The following ANKRD24 variants were observed in gnomAD, a reference collection of about 807,000 sequenced individuals.
ANKRD24 encodes the protein ankyrin repeat domain-containing protein 24.
In ANKRD24, 109 loss-of-function variants were observed where a neutral mutation model predicts 127.8. The ratio of observed to expected loss-of-function variants is 0.85; its 90% CI spans 0.73 to 1.00. The LOEUF (loss-of-function observed/expected upper bound fraction) is 1.00. Ranked by LOEUF, ANKRD24 falls within the 50% of genes least tolerant of loss-of-function variation. The pLI is 0.00. For missense variants in ANKRD24, 1,648 were observed against 1,570.2 expected (o/e 1.05, Z -0.84); for synonymous variants, 743 against 671.1 (o/e 1.11, Z -1.66).
At chr19:4,207,085 C>CTTT (rs34475477) in intron 7 of ANKRD24, 157 bp from the exon 8 acceptor site, 123 of 430,528 alleles carry the variant, frequency 2.9e-4, no homozygotes, top group South Asian at 5.5e-4. Context: ...ATAATGTTTG[C>CTTT]TTTTTTTTTT....
At chr19:4,189,846 C>T (rs541048078) in intron 2 of ANKRD24, among the ~76,000 whole-genome samples, 15 of 152,216 alleles carry the variant, frequency 9.9e-5, no homozygotes, top group African/African-American at 3.6e-4. Flanking sequence ...AAGACACCTG[C>T]TCAAGGTCAC....
rs762688279 is a variant in ANKRD24 at position 4,219,706 on chromosome 19, C to A, written c.3119C>A (p.Ala1040Asp). The change falls in exon 19 of 22, where the codon GCC (alanine) becomes GAC (aspartate). Residue 1040 changes from alanine (A) to aspartate (D), a missense_variant. Transcript: ENST00000318934. ...ACCGAGGCGGAAAGGGCTCGCCAGG[C>A]CCAGAGCCGGGCCCAGGAGGCTCTG... ...LRTEAERARQ[A>D]QSRAQEALDK... is the part of the protein sequence containing the mutation. 1.4e-5 allele frequency: 22 copies of A among 1,613,434 alleles called. No individual in the cohort carries two copies. The highest frequency in any genetic ancestry group is 1.8e-5 in the Non-Finnish European group (21 of 1,179,706).
At chr19:4,202,004 TA>T in intron 5 of ANKRD24, 21 bp from the exon 6 acceptor site, 3 of 1,612,542 alleles carry the variant, frequency 1.9e-6, no homozygotes, top group South Asian at 1.1e-5. Context: ...GGAGCTCCAG[TA>T]AATCTTCTTT....
Position 4,207,984 on chromosome 19 carries a change from C to T in ANKRD24, c.832+16C>T. ...CCACCCAGCGGTATGCAAGCCCCAC[C>T]TCCCCAATGCATTTGCTTCTTGGCA... On this transcript the variant is annotated intron_variant, in intron 10 of 21. Transcript: ENST00000318934. 1.4e-6 allele frequency: 2 copies of T among 1,458,972 alleles called. No homozygotes were observed. Among genetic ancestry groups the T allele is most frequent in the Non-Finnish European group, 9.1e-7 (1 of 1,104,656 alleles). The allele number at this position is 1,458,972 out of a possible 1,614,324, so 90.4% of individuals were successfully genotyped here.
At position 4,199,974 on chromosome 19, in the gene ANKRD24, C is replaced by T. The variant is rs1366985951; in HGVS notation, c.223C>T (p.Pro75Ser). 1 of 1,564,518 alleles carries T rather than the reference C, an allele frequency of 6.4e-7. No individual in the cohort carries two copies. Among genetic ancestry groups the T allele is most frequent in the East Asian group, 2.4e-5 (1 of 41,806 alleles). Residue 75 changes from proline (P) to serine (S), a missense_variant, in exon 4 of 22, where the codon CCC becomes TCC. Transcript: ENST00000318934. This position sits in a 1 kb window ranked among gnomAD's most constrained non-coding sequence, Gnocchi z 5.2. ...AALIARKGLV[P>S]TKLDPEGKSA... Reference sequence around the variant, plus strand: ...CCTCATCGCCCGCAAGGGGCTGGTGCCCACGAAGCTAGACCCCGAGGGCAA... The same window carrying T: ...CCTCATCGCCCGCAAGGGGCTGGTGTCCACGAAGCTAGACCCCGAGGGCAA...
At position 4,217,975 on chromosome 19, in the gene ANKRD24, G is replaced by A. The variant is rs780679171; in HGVS notation, c.2815G>A (p.Glu939Lys). Residue 939 changes from glutamate to lysine, a missense_variant, in exon 18 of 22, where the codon GAG becomes AAG. Transcript: ENST00000318934. ...GGGCCGGGCAGCCAGTCTGGAGCAG[G>A]AGGTGGTGGCCACGGGCAAGGAGGC... ...LRGRAASLEQ[E>K]VVATGKEAAR... The A allele has an allele frequency of 2.5e-5, 38 of 1,520,972 alleles. No individual in the cohort carries two copies. Among genetic ancestry groups the A allele is most frequent in the Non-Finnish European group, 3.1e-5 (35 of 1,141,876 alleles). The allele number at this position is 1,520,972 out of a possible 1,614,324, so 94.2% of individuals were successfully genotyped here. A position where few individuals can be genotyped will look rare whatever the true frequency, so the allele number is the denominator to read the frequency against.
rs779746432 is a variant in ANKRD24, at chr19:4,213,254, CCTT to C, written c.1197+560_1197+562del. Among the ~76,000 whole-genome samples, 319 of 93,134 alleles carry C rather than the reference CCTT, an allele frequency of 3.4e-3. 1 individual carries two copies. The highest frequency in any genetic ancestry group is 0.015 in the Middle Eastern group (3 of 200). The allele number at this position is 93,134 out of a possible 152,430, so 61.1% of individuals were successfully genotyped here. A position where few individuals can be genotyped will look rare whatever the true frequency, so the allele number is the denominator to read the frequency against. ...CCTTCCCTCCCTCCTTCCTTCCTTT[CCTT>C]CTTTCCTTTCCTTCCTTCCTTCCCT... is the stretch of plus-strand genomic sequence containing the variant. On this transcript the variant is annotated intron_variant, in intron 15 of 21. Coordinates refer to ENST00000318934, the MANE Select transcript of ANKRD24 (RefSeq NM_001393985.1).
At chr19:4,193,297 C>CAAAAAAAAAAA (rs71166975) in intron 2 of ANKRD24, among the ~76,000 whole-genome samples, 1 of 90,722 alleles carries the variant, frequency 1.1e-5, no homozygotes, top group Non-Finnish European at 2.0e-5. Context: ...GCGACTCCAT[C>CAAAAAAAAAAA]AAAAAAAAAA....
At chr19:4,207,446 G>C in intron 8 of ANKRD24, 55 bp from the exon 9 acceptor site, 2 of 1,586,844 alleles carry the variant, frequency 1.3e-6, no homozygotes, top group Non-Finnish European at 1.7e-6. Context: ...ATAGGCTTCT[G>C]CACCTCCCGG....
rs398033749 is a variant in ANKRD24, at chr19:4,189,243, C to CTTTTTTTT, written c.36+2797_36+2804dup. ...TTATTTTTTTTAATTTTTCTTTCTTCTTTTTTTTTTTTTTTTTTTTTTGAA... is the reference window on the plus strand; with the variant it reads ...TTATTTTTTTTAATTTTTCTTTCTTCTTTTTTTTTTTTTTTTTTTTTTTTTTTTTTGAA... On this transcript the variant is annotated intron_variant, in intron 2 of 21. Transcript: ENST00000318934. Among the ~76,000 whole-genome samples the CTTTTTTTT allele has an allele frequency of 6.8e-3, 505 of 73,954 alleles. 5 individuals carry two copies. The highest frequency in any genetic ancestry group is 0.012 in the Middle Eastern group (1 of 82). 48.5% of individuals were successfully genotyped at this position (73,954 alleles called of 152,430 possible).
intron 2 of ANKRD24, 148 bp downstream of exon 2, chr19:4,186,609 T>C: frequency 1.1e-6 from 1 of 899,222 alleles, no homozygotes; most frequent in Non-Finnish European, 1.7e-6. Context: ...ACCTCCCCAC[T>C]GCTCCCCGTA....
chr19:4,201,883 G>A, intron 5 of ANKRD24, 143 bp from the exon 6 acceptor site: 1 of 704,306 alleles, frequency 1.4e-6, no homozygotes, highest in Non-Finnish European at 2.5e-6. Context: ...GATCCTTTCT[G>A]CAGGGAAAAA....
At chr19:4,218,394 G>T (rs1473825342) in intron 18 of ANKRD24, among the ~76,000 whole-genome samples, 1 of 151,746 alleles carries the variant, frequency 6.6e-6, no homozygotes. Context: ...CCTCTTTCCC[G>T]GTTCAAGTGA....
intron 15 of ANKRD24, among the ~76,000 whole-genome samples, chr19:4,213,218 TCTCCTTCCTTCCTTCCCTCC>T (rs1400700119): frequency 2.0e-5 from 3 of 149,118 alleles, no homozygotes; most frequent in Non-Finnish European, 4.4e-5. Flanking sequence ...TTCTTCCCCT[TCTCCTTCCTTCCTTCCCTCC>T]CTCCTTCCTT....
chr19:4,200,309 G>C, intron 5 of ANKRD24, 138 bp downstream of exon 5: 1 of 948,334 alleles, frequency 1.1e-6, no homozygotes, highest in Non-Finnish European at 1.5e-6. Flanking sequence ...CTCCTCCCCT[G>C]CCCCCAGGGA....
At chr19:4,186,347 G>C in intron 1 of ANKRD24, 43 bp from the exon 2 acceptor site, 1 of 1,551,036 alleles carries the variant, frequency 6.4e-7, no homozygotes, top group Non-Finnish European at 8.7e-7. Context: ...CCGCCCACCA[G>C]GACTGGTGTC....
intron 20 of ANKRD24, among the ~76,000 whole-genome samples, chr19:4,223,194 A>G (rs910027390): frequency 6.6e-6 from 1 of 151,064 alleles, no homozygotes; most frequent in African/African-American, 2.4e-5. Context: ...AAGCCTCCCA[A>G]AACGCTGGGA....
rs777708953 is a variant in ANKRD24, at chr19:4,217,255, G to A, written c.2095G>A (p.Ala699Thr). 8.8e-6 allele frequency: 14 copies of A among 1,583,090 alleles called. No individual in the cohort carries two copies. In the East Asian group the frequency reaches 2.3e-4, roughly 26 times the overall value. The change falls in exon 18 of 22, where the codon GCC becomes ACC. Residue 699 changes from alanine (A) to threonine (T), a missense_variant. Transcript: ENST00000318934. The stretch of plus-strand genomic sequence containing the variant: ...AGGTGTGGAGAACCCAGGGGTAGAG[G>A]CCACGGTCCCGGGGATCTCTGCTGG... ...ATGVENPGVE[A>T]TVPGISAGPI... is the part of the protein sequence containing the mutation.
chr19:4,216,950 CAG>C lies in ANKRD24; in HGVS notation c.1792_1793del (p.Glu598AsnfsTer7). On this transcript the variant is annotated frameshift_variant, in exon 18 of 22. Transcript: ENST00000318934. LOFTEE classifies it high-confidence loss of function. ...GCTGAGGCCACAGGAGCCAAGGTCA[CAG>C]AAACAAAACCCACAGGGGCTGAGGT... The C allele has an allele frequency of 6.2e-7, 1 of 1,612,022 alleles. No individual in the cohort carries two copies. The highest frequency in any genetic ancestry group is 8.5e-7 in the Non-Finnish European group (1 of 1,179,180).
Sources: gnomAD v4.1 joint callset for allele counts (sites outside exome capture counted in the v4.1 genomes callset) on GRCh38, gnomAD v4.1.1 for gene constraint, Gnocchi (gnomAD v3.1) non-coding constraint, MANE v1.5 for transcripts, NCBI Gene and HGNC (gene_info 2026-07-23, HGNC 2026-07-21) for gene names.